Variants in SPMIP11 observed in about 807,000 individuals in gnomAD.
SPMIP11 encodes long intergenic non-protein coding RNA 935.
chr12:48,752,854 T>C, the SPMIP11 span, among the ~76,000 whole-genome samples: 2 of 152,020 alleles, frequency 1.3e-5, no homozygotes, highest in Non-Finnish European at 2.9e-5. Flanking sequence ...TGTATTTTAG[T>C]AGAGACGGGA....
At chr12:48,770,955 G>A in the SPMIP11 span, 35 of 1,613,998 alleles carry the variant, frequency 2.2e-5, no homozygotes, top group South Asian at 1.5e-4. Flanking sequence ...TGCCGGAACC[G>A]CTCCTCGCTG....
the SPMIP11 span, among the ~76,000 whole-genome samples, chr12:48,729,846 C>T: frequency 6.6e-6 from 1 of 152,094 alleles, no homozygotes. Context: ...AAAGGGTACC[C>T]CTGATGGACC....
At chr12:48,751,309 C>T in the SPMIP11 span, among the ~76,000 whole-genome samples, 6 of 152,174 alleles carry the variant, frequency 3.9e-5, no homozygotes, top group African/African-American at 1.4e-4. Flanking sequence ...TTGGTCTATC[C>T]TTGACTTCAG....
the SPMIP11 span, among the ~76,000 whole-genome samples, chr12:48,765,149 T>A: frequency 2.0e-5 from 3 of 152,194 alleles, no homozygotes; most frequent in Non-Finnish European, 4.4e-5. Flanking sequence ...TGGGCCGTGA[T>A]GACATTCAAA....
the SPMIP11 span, among the ~76,000 whole-genome samples, chr12:48,735,324 CA>C: frequency 6.6e-6 from 1 of 152,170 alleles, no homozygotes; most frequent in African/African-American, 2.4e-5. Context: ...ATGTTGTTTT[CA>C]GGCCGGGCAC....
chr12:48,743,569 G>T, the SPMIP11 span, among the ~76,000 whole-genome samples: 1 of 151,970 alleles, frequency 6.6e-6, no homozygotes, highest in African/African-American at 2.4e-5. Flanking sequence ...CACTTTGGGA[G>T]GCCAAGGCGG....
chr12:48,736,425 A>C, the SPMIP11 span, among the ~76,000 whole-genome samples: 1 of 151,712 alleles, frequency 6.6e-6, no homozygotes, highest in Non-Finnish European at 1.5e-5. Flanking sequence ...AAAAAAAAAA[A>C]AAAAAAAAAA....
chr12:48,733,655 A>G, the SPMIP11 span, among the ~76,000 whole-genome samples: 1 of 151,652 alleles, frequency 6.6e-6, no homozygotes, highest in African/African-American at 2.4e-5. Context: ...TATATAGTGT[A>G]TATAGAGTTT....
At chr12:48,765,616 T>C in the SPMIP11 span, 1 of 703,018 alleles carries the variant, frequency 1.4e-6, no homozygotes, top group Non-Finnish European at 2.6e-6. Flanking sequence ...GGTTTATGGA[T>C]CACTCTATTC....
the SPMIP11 span, among the ~76,000 whole-genome samples, chr12:48,732,274 G>A: frequency 2.0e-5 from 3 of 151,974 alleles, no homozygotes; most frequent in Non-Finnish European, 4.4e-5. Flanking sequence ...AGAATTTAGT[G>A]AAATCACCAT....
At chr12:48,754,743 C>A in the SPMIP11 span, among the ~76,000 whole-genome samples, 13 of 151,992 alleles carry the variant, frequency 8.6e-5, no homozygotes, top group African/African-American at 3.1e-4. Flanking sequence ...AGCCACCGCG[C>A]CTGGCCTGTT....
At chr12:48,736,442 C>G in the SPMIP11 span, among the ~76,000 whole-genome samples, 2 of 150,762 alleles carry the variant, frequency 1.3e-5, no homozygotes, top group African/African-American at 4.9e-5. Flanking sequence ...AAAAGAATTG[C>G]CATCATGTTT....
At chr12:48,765,079 C>T in the SPMIP11 span, 32 of 629,398 alleles carry the variant, frequency 5.1e-5, no homozygotes, top group Admixed American at 5.9e-4. Context: ...ATTTCATCTC[C>T]GGTCAGTTAG....
At chr12:48,759,756 AG>A in the SPMIP11 span, among the ~76,000 whole-genome samples, 2 of 151,554 alleles carry the variant, frequency 1.3e-5, no homozygotes, top group Admixed American at 6.6e-5. Flanking sequence ...AGAGACTGAG[AG>A]GAAGAGGGAG....
At chr12:48,768,135 T>C in the SPMIP11 span, 3 of 221,150 alleles carry the variant, frequency 1.4e-5, no homozygotes, top group East Asian at 1.2e-4. Flanking sequence ...AAGCATGGAA[T>C]AGGCACTCCT....
the SPMIP11 span, among the ~76,000 whole-genome samples, chr12:48,746,819 G>A: frequency 6.6e-6 from 1 of 152,058 alleles, no homozygotes; most frequent in African/African-American, 2.4e-5. Context: ...TACTCGGGGG[G>A]CTGAGGCAGG....
chr12:48,766,408 G>C, the SPMIP11 span: 33 of 152,682 alleles, frequency 2.2e-4, no homozygotes, highest in African/African-American at 7.7e-4. Context: ...GGGGATCCAG[G>C]GTGTGGACAG....
the SPMIP11 span, among the ~76,000 whole-genome samples, chr12:48,740,661 T>A: frequency 1.5e-5 from 2 of 136,856 alleles, no homozygotes; most frequent in African/African-American, 5.5e-5. Flanking sequence ...CCTGGCCAAC[T>A]TTTTTTTTTT....
the SPMIP11 span, chr12:48,727,438 G>A: frequency 5.7e-6 from 4 of 701,322 alleles, no homozygotes; most frequent in South Asian, 5.9e-5. Context: ...AGAGTCCAGT[G>A]CCCCAACCTG....
Sources: gnomAD v4.1 joint callset for allele counts (sites outside exome capture counted in the v4.1 genomes callset) on GRCh38, gnomAD v4.1.1 for gene constraint, MANE v1.5 for transcripts, NCBI Gene and HGNC (gene_info 2026-07-23, HGNC 2026-07-21) for gene names.